Variants in THSD7B observed in about 807,000 individuals in gnomAD.
The protein encoded by THSD7B is thrombospondin type 1 domain containing 7B.
Under a neutral mutation model 213.6 loss-of-function variants are expected in THSD7B, and 138 were observed. The observed-to-expected ratio is 0.65, with a 90% CI of 0.56 to 0.74. THSD7B has a LOEUF of 0.74. Ranked by LOEUF, THSD7B falls within the 30% of genes least tolerant of loss-of-function variation. The pLI is 0.00. For synonymous variants in THSD7B, 742 were observed against 687.0 expected, an observed-to-expected ratio of 1.08 and a Z score of -1.25; for missense variants, 1,931 against 1,991.5, an observed-to-expected ratio of 0.97 and a Z score of 0.58.
At chr2:137,605,648 CTTTTTTTTTTTTTTTTTTTTTTTTTTTT>C (rs34604281) in intron 17 of THSD7B, among the ~76,000 whole-genome samples, 1 of 68,974 alleles carries the variant, frequency 1.4e-5, no homozygotes, top group Non-Finnish European at 2.7e-5. Flanking sequence ...GCACTTCGCA[CTTTTTTTTTTTTTTTTTTTTTTTTTTTT>C]TTTTTTTTTT....
At chr2:136,907,330 G>T (rs1194806290) in intron 2 of THSD7B, among the ~76,000 whole-genome samples, 1 of 152,066 alleles carries the variant, frequency 6.6e-6, no homozygotes, top group Non-Finnish European at 1.5e-5. Flanking sequence ...GGCAGAAAGA[G>T]AAATATAATT....
At chr2:137,307,683 G>T (rs772800647) in intron 12 of THSD7B, among the ~76,000 whole-genome samples, 2 of 152,078 alleles carry the variant, frequency 1.3e-5, no homozygotes, top group African/African-American at 2.4e-5. Context: ...GAAAAACAAT[G>T]CTCATGCACT....
intron 2 of THSD7B, among the ~76,000 whole-genome samples, chr2:137,002,908 G>T (rs529240673): frequency 2.3e-4 from 35 of 152,180 alleles, no homozygotes; most frequent in African/African-American, 8.2e-4. Flanking sequence ...ATAATAAAAT[G>T]AGATAAATTG....
intron 9 of THSD7B, among the ~76,000 whole-genome samples, chr2:137,235,399 T>A (rs899933328): frequency 2.6e-5 from 4 of 152,174 alleles, no homozygotes; most frequent in African/African-American, 9.7e-5. Flanking sequence ...TGACCCACTA[T>A]GACAGGAAAA....
At chr2:137,109,455 C>A (rs974496970) in intron 4 of THSD7B, among the ~76,000 whole-genome samples, 1 of 152,112 alleles carries the variant, frequency 6.6e-6, no homozygotes, top group Non-Finnish European at 1.5e-5. Context: ...TTATTTCTAT[C>A]ATTATCACAT....
chr2:137,075,234 A>T (rs2104897357), intron 3 of THSD7B, among the ~76,000 whole-genome samples: 1 of 152,330 alleles, frequency 6.6e-6, no homozygotes, highest in Non-Finnish European at 1.5e-5. Context: ...AGTCAAATGT[A>T]GATTTGGTCT....
chr2:136,856,919 A>T (rs1313345093), intron 1 of THSD7B, among the ~76,000 whole-genome samples: 1 of 152,238 alleles, frequency 6.6e-6, no homozygotes, highest in African/African-American at 2.4e-5. Context: ...TGAGAGAGAA[A>T]GTGATCTAAG....
At chr2:137,079,682 C>G (rs1687702066) in intron 3 of THSD7B, among the ~76,000 whole-genome samples, 1 of 152,148 alleles carries the variant, frequency 6.6e-6, no homozygotes, top group African/African-American at 2.4e-5. Flanking sequence ...CACTGAATTT[C>G]TCTTAATAAA....
chr2:137,288,697 G>C (rs1336708105), intron 12 of THSD7B, among the ~76,000 whole-genome samples: 1 of 151,850 alleles, frequency 6.6e-6, no homozygotes, highest in African/African-American at 2.4e-5. Flanking sequence ...ACATTAAAAA[G>C]TTCACATCAA....
rs371435349 is a variant in THSD7B at position 137,233,110 on chromosome 2, C to T, written c.2127C>T (p.His709=). The T allele has an allele frequency of 9.7e-5, 156 of 1,613,520 alleles. 1 individual carries two copies. Among genetic ancestry groups the T allele is most frequent in the Middle Eastern group, 3.3e-4 (2 of 6,084 alleles). ...GGAGAGTCTTCTGTGTCAAGAGTCACGTGGGACAAGTAATGACCAAAAGGT... is the reference window on the plus strand; with the variant it reads ...GGAGAGTCTTCTGTGTCAAGAGTCATGTGGGACAAGTAATGACCAAAAGGT... ...QTRRVFCVKS[H]VGQVMTKRCP... is the part of the protein sequence containing the mutation. The change falls in exon 9 of 28, where the codon CAC becomes CAT. Residue 709 remains histidine, a synonymous_variant. Coordinates refer to ENST00000409968, the MANE Select transcript of THSD7B (RefSeq NM_001316349.2).
At chr2:137,204,825 A>T (rs937230840) in intron 7 of THSD7B, among the ~76,000 whole-genome samples, 12 of 76,424 alleles carry the variant, frequency 1.6e-4, no homozygotes, top group African/African-American at 4.2e-4. Context: ...AATTTCATCC[A>T]GAACTCAGAT....
chr2:137,577,620 C>A (rs1399594208), intron 17 of THSD7B, among the ~76,000 whole-genome samples: 2 of 152,002 alleles, frequency 1.3e-5, no homozygotes, highest in South Asian at 2.1e-4. Flanking sequence ...CTACATATGA[C>A]AAACCTTATT....
At chr2:137,022,570 A>G (rs1686466486) in intron 2 of THSD7B, among the ~76,000 whole-genome samples, 1 of 152,104 alleles carries the variant, frequency 6.6e-6, no homozygotes, top group Admixed American at 6.6e-5. Context: ...TGAATAACAC[A>G]TTGGAAGGAT....
chr2:137,333,928 T>C (rs200962948), intron 12 of THSD7B, among the ~76,000 whole-genome samples: 1 of 152,210 alleles, frequency 6.6e-6, no homozygotes, highest in Non-Finnish European at 1.5e-5. Flanking sequence ...TTGTCTAATA[T>C]GGTTCTAAAC....
intron 10 of THSD7B, among the ~76,000 whole-genome samples, chr2:137,271,441 A>G (rs1358137437): frequency 7.5e-6 from 1 of 133,174 alleles, no homozygotes; most frequent in Non-Finnish European, 1.6e-5. Flanking sequence ...TATATATAAT[A>G]TAATATATAA....
chr2:137,326,032 G>C (rs1005813004), intron 12 of THSD7B, among the ~76,000 whole-genome samples: 1 of 152,088 alleles, frequency 6.6e-6, no homozygotes, highest in Non-Finnish European at 1.5e-5. Context: ...GACTTGGATC[G>C]GGTCACAGTC....
intron 12 of THSD7B, among the ~76,000 whole-genome samples, chr2:137,385,008 A>AGCAG: frequency 6.6e-6 from 1 of 152,256 alleles, no homozygotes; most frequent in Admixed American, 6.5e-5. Context: ...CACCAGGGCA[A>AGCAG]GCAGTCACCA....
At chr2:137,442,355 C>A (rs17740707) in intron 14 of THSD7B, among the ~76,000 whole-genome samples, 30,963 of 151,946 alleles carry the variant, frequency 0.2, 3,441 homozygotes, top group South Asian at 0.28. Context: ...TCATTGTGTT[C>A]TTTACTTCAC....
rs16836612 is a variant in THSD7B at position 136,777,194 on chromosome 2, C to T, written c.-36+11507C>T. Among the ~76,000 whole-genome samples, 905 of 152,178 alleles carry T rather than the reference C, an allele frequency of 5.9e-3. 8 individuals carry two copies. The highest frequency in any genetic ancestry group is 0.021 in the African/African-American group (852 of 41,518). On this transcript the variant is annotated intron_variant, in intron 1 of 27. Coordinates refer to ENST00000409968, the MANE Select transcript of THSD7B (RefSeq NM_001316349.2). ...GAAGCTTTATGAACAAGACCAAAAA[C>T]GAATGGGAAAGAAATGAAACGGTGG...
Sources: allele counts gnomAD v4.1 joint callset (sites outside exome capture counted in the v4.1 genomes callset), GRCh38; gene constraint gnomAD v4.1.1; transcripts MANE v1.5; gene names NCBI Gene and HGNC (gene_info 2026-07-23, HGNC 2026-07-21).